The following ZC4H2 variants were observed in gnomAD, a reference collection of about 807,000 sequenced individuals.
ZC4H2 encodes zinc finger C4H2-type containing.
For missense variants in ZC4H2, 137 were observed against 173.9 expected, an observed-to-expected ratio of 0.79 and a Z score of 1.19; for synonymous variants, 84 against 66.3, an observed-to-expected ratio of 1.27 and a Z score of -1.30.
At chrX:64,960,029 A>G (rs1931315774) in intron 1 of ZC4H2, among the ~76,000 whole-genome samples, 1 of 111,290 alleles carries the variant, frequency 9.0e-6, no homozygotes, top group Non-Finnish European at 1.9e-5. Context: ...AAATTATATG[A>G]AAAAATAGCA....
At chrX:64,998,258 C>T (rs998980078) in intron 1 of ZC4H2, among the ~76,000 whole-genome samples, 3 of 111,897 alleles carry the variant, frequency 2.7e-5, no homozygotes, top group African/African-American at 9.7e-5. Flanking sequence ...CAATTACATG[C>T]TGTCTACAAG....
intron 1 of ZC4H2, among the ~76,000 whole-genome samples, chrX:64,952,394 T>A (rs942617764): frequency 5.3e-4 from 58 of 109,980 alleles, no homozygotes; most frequent in African/African-American, 1.7e-3. Flanking sequence ...CCTTGGGCAG[T>A]ATGGCCATTT....
upstream of ZC4H2, among the ~76,000 whole-genome samples, chrX:64,978,284 C>T (rs1018682063): frequency 3.6e-5 from 4 of 111,959 alleles, no homozygotes; most frequent in Non-Finnish European, 5.6e-5. Context: ...GAAATTAAAG[C>T]CCTTCTCTTC....
In ZC4H2 at chrX:64,921,813, G is replaced by C; in HGVS notation, c.225+4C>G. 2 of 1,209,101 alleles carry C rather than the reference G, an allele frequency of 1.7e-6. No individual in the cohort carries two copies. Among genetic ancestry groups the C allele is most frequent in the Non-Finnish European group, 2.2e-6 (2 of 894,552 alleles). On this transcript the variant is annotated splice_donor_region_variant and intron_variant, in intron 2 of 4. Coordinates refer to ENST00000374839, the MANE Select transcript of ZC4H2 (RefSeq NM_018684.4). Reference sequence around the variant, plus strand: ...TTAGAGATAGGCTCCAGGCAGCCACGTACCACATTGATGTCAGCGTGGATC... The same window carrying C: ...TTAGAGATAGGCTCCAGGCAGCCACCTACCACATTGATGTCAGCGTGGATC...
intron 4 of ZC4H2, chrX:64,918,301 TG>T: frequency 8.3e-6 from 1 of 119,971 alleles, no homozygotes; most frequent in Admixed American, 8.5e-5. Context: ...TACTCAATTC[TG>T]TTTTGCATGA....
intron 1 of ZC4H2, among the ~76,000 whole-genome samples, chrX:64,927,058 C>T (rs957423621): frequency 9.0e-6 from 1 of 111,538 alleles, no homozygotes; most frequent in Admixed American, 9.5e-5. Context: ...AGTAGCTTGC[C>T]TTTTTGTCAC....
At chrX:64,951,775 C>T (rs1428275402) in intron 1 of ZC4H2, among the ~76,000 whole-genome samples, 1 of 110,798 alleles carries the variant, frequency 9.0e-6, no homozygotes, top group Admixed American at 9.5e-5. Context: ...ATGGTAGTTT[C>T]TTTTGCTGTG....
At chrX:65,031,616 G>A (rs1355079998) in intron 1 of ZC4H2, among the ~76,000 whole-genome samples, 2 of 112,074 alleles carry the variant, frequency 1.8e-5, no homozygotes, top group African/African-American at 3.2e-5. Flanking sequence ...CTCCTTGGGG[G>A]ACAGAGTGAA....
At chrX:65,032,969 A>AT (rs1176693709) in intron 1 of ZC4H2, among the ~76,000 whole-genome samples, 2 of 110,451 alleles carry the variant, frequency 1.8e-5, no homozygotes, top group African/African-American at 6.6e-5. Flanking sequence ...TAGAGGAGGG[A>AT]TTTTGCCATG....
At chrX:64,940,290 A>G (rs1930213267) in intron 1 of ZC4H2, among the ~76,000 whole-genome samples, 1 of 111,726 alleles carries the variant, frequency 9.0e-6, no homozygotes, top group Admixed American at 9.5e-5. Context: ...AGATCCTTGT[A>G]GGATCTGGAT....
At chrX:64,921,682 C>G (rs1443289050) in intron 2 of ZC4H2, 135 bp downstream of exon 2, 1 of 680,807 alleles carries the variant, frequency 1.5e-6, no homozygotes, top group East Asian at 3.6e-5. Context: ...CTCCTGAATT[C>G]TTCTGCTCTA....
intron 1 of ZC4H2, among the ~76,000 whole-genome samples, chrX:64,948,537 C>T (rs564472983): frequency 1.8e-5 from 2 of 111,630 alleles, no homozygotes; most frequent in South Asian, 3.7e-4. Context: ...AACTGAGTTC[C>T]TCTGGCTAAC....
intron 1 of ZC4H2, among the ~76,000 whole-genome samples, chrX:64,960,697 A>C (rs759476260): frequency 1.8e-5 from 2 of 112,223 alleles, no homozygotes; most frequent in Non-Finnish European, 3.8e-5. Context: ...TCTGGCATCC[A>C]TTCACACTTT....
chrX:64,976,859 T>C (rs768981103), upstream of ZC4H2, among the ~76,000 whole-genome samples: 4 of 106,070 alleles, frequency 3.8e-5, no homozygotes, highest in Non-Finnish European at 7.7e-5. Flanking sequence ...GCAGGGAAAG[T>C]AGCTTTGGAG....
intron 1 of ZC4H2, among the ~76,000 whole-genome samples, chrX:65,033,325 T>C (rs1005844749): frequency 8.9e-6 from 1 of 112,412 alleles, no homozygotes; most frequent in African/African-American, 3.2e-5. Context: ...TGCCTACATG[T>C]CAATTCTCAG....
chrX:64,954,344 ATATATATATAAT>A (rs1406724206), intron 1 of ZC4H2, among the ~76,000 whole-genome samples: 1 of 74,003 alleles, frequency 1.4e-5, no homozygotes, highest in Non-Finnish European at 2.2e-5. Context: ...ATATAATTAT[ATATATATATAAT>A]TATATATATA....
chrX:64,919,746 C>A, intron 3 of ZC4H2: 1 of 197,494 alleles, frequency 5.1e-6, no homozygotes, highest in Admixed American at 7.0e-5. Context: ...CCTTCTAGAC[C>A]CTGACTTGGG....
chrX:64,999,343 G>A (rs907202012), intron 1 of ZC4H2, among the ~76,000 whole-genome samples: 5 of 111,623 alleles, frequency 4.5e-5, no homozygotes, highest in Admixed American at 3.8e-4. Flanking sequence ...CAAAGGGTTG[G>A]GGAACTCACT....
chrX:64,971,147 T>C (rs899755044), intron 1 of ZC4H2, among the ~76,000 whole-genome samples: 1 of 112,732 alleles, frequency 8.9e-6, no homozygotes, highest in African/African-American at 3.2e-5. Flanking sequence ...ATTCTTTTTA[T>C]GAGCTAATAA....
Sources: gnomAD v4.1 joint callset for allele counts (sites outside exome capture counted in the v4.1 genomes callset) on GRCh38, gnomAD v4.1.1 for gene constraint, MANE v1.5 for transcripts, NCBI Gene and HGNC (gene_info 2026-07-23, HGNC 2026-07-21) for gene names.